C1QTNF3: variants seen among roughly 807,000 people sequenced by gnomAD.
C1QTNF3 encodes complement C1q tumor necrosis factor-related protein 3.
C1QTNF3 carries 26 observed loss-of-function variants against 32.6 expected under a neutral mutation model. That is an observed-to-expected ratio of 0.80 (90% CI 0.58 to 1.11). C1QTNF3 has a LOEUF of 1.11. C1QTNF3 is among the 50% of genes least tolerant of loss of function. C1QTNF3 has a pLI of 0.00. For synonymous variants in C1QTNF3, 155 were observed against 146.0 expected, an observed-to-expected ratio of 1.06 and a Z score of -0.44; for missense variants, 362 against 398.2, an observed-to-expected ratio of 0.91 and a Z score of 0.77.
chr5:34,087,080 A>G, the C1QTNF3 span, among the ~76,000 whole-genome samples: 2 of 147,776 alleles, frequency 1.4e-5, no homozygotes, highest in African/African-American at 2.5e-5. Context: ...CAAGGGCAGG[A>G]GATAAACAGT....
At chr5:34,133,260 T>C in the C1QTNF3 span, among the ~76,000 whole-genome samples, 1 of 152,272 alleles carries the variant, frequency 6.6e-6, no homozygotes, top group East Asian at 1.9e-4. Context: ...CTGTGGGTAA[T>C]TGTTAGAAAG....
chr5:34,127,353 T>C, the C1QTNF3 span, among the ~76,000 whole-genome samples: 1 of 152,026 alleles, frequency 6.6e-6, no homozygotes, highest in Non-Finnish European at 1.5e-5. Context: ...TCGATAGTGA[T>C]ATGGACAATA....
At chr5:34,086,113 A>G in the C1QTNF3 span, among the ~76,000 whole-genome samples, 2 of 150,746 alleles carry the variant, frequency 1.3e-5, no homozygotes, top group South Asian at 4.2e-4. Context: ...GCAGCCATAA[A>G]AAAGATTGAG....
chr5:34,241,988 G>T, the C1QTNF3 span, among the ~76,000 whole-genome samples: 1 of 149,204 alleles, frequency 6.7e-6, no homozygotes. Context: ...AAGGAAGGAA[G>T]GAAGGAAGGA....
At chr5:34,044,323 C>G (rs1322165819), upstream of C1QTNF3, among the ~76,000 whole-genome samples, 1 of 152,138 alleles carries the variant, frequency 6.6e-6, no homozygotes, top group Non-Finnish European at 1.5e-5. Context: ...CTCATTCACT[C>G]GCTTAAGAAA....
chr5:34,205,861 T>C, the C1QTNF3 span, among the ~76,000 whole-genome samples: 1 of 148,284 alleles, frequency 6.7e-6, no homozygotes, highest in Admixed American at 6.8e-5. Flanking sequence ...CACTTAAATA[T>C]TGATTTCATA....
chr5:34,169,123 T>G, the C1QTNF3 span: 1 of 152,194 alleles, frequency 6.6e-6, no homozygotes, highest in African/African-American at 2.4e-5. Flanking sequence ...GAACTACAGG[T>G]GACTTCATCT....
At chr5:34,059,549 C>T in the C1QTNF3 span, among the ~76,000 whole-genome samples, 1 of 152,142 alleles carries the variant, frequency 6.6e-6, no homozygotes, top group Non-Finnish European at 1.5e-5. Context: ...TGTGCCTTCA[C>T]ATGGCAATAG....
the C1QTNF3 span, among the ~76,000 whole-genome samples, chr5:34,117,170 T>G: frequency 9.8e-5 from 15 of 152,286 alleles, no homozygotes; most frequent in South Asian, 2.1e-3. Context: ...ATATCCTTCA[T>G]GTGTCTTTGC....
At chr5:34,213,810 T>TATA in the C1QTNF3 span, among the ~76,000 whole-genome samples, 328 of 13,658 alleles carry the variant, frequency 0.024, 17 homozygotes, top group Middle Eastern at 0.062. Flanking sequence ...TATATATATA[T>TATA]TTTTTTTTTT....
chr5:34,123,069 G>A, the C1QTNF3 span, among the ~76,000 whole-genome samples: 5 of 151,926 alleles, frequency 3.3e-5, no homozygotes, highest in Non-Finnish European at 7.4e-5. Flanking sequence ...ACCCAGGAAA[G>A]CAGAGGGGAT....
chr5:34,114,110 A>G, the C1QTNF3 span, among the ~76,000 whole-genome samples: 2 of 152,330 alleles, frequency 1.3e-5, no homozygotes, highest in East Asian at 1.9e-4. Flanking sequence ...GCATTTCTCA[A>G]TCATCTTTAA....
chr5:34,020,515 T>C lies in C1QTNF3; in HGVS notation c.*68A>G. ...AATGTAAAACCCTCAACTTTAATGT[T>C]CCTCAGATCGTAACAAATCAGCTCA... is the stretch of plus-strand genomic sequence containing the variant. On this transcript the variant is annotated 3_prime_UTR_variant, in exon 6 of 6. Coordinates refer to ENST00000382065, the MANE Select transcript of C1QTNF3 (RefSeq NM_181435.6). 6.5e-7 allele frequency: 1 copy of C among 1,544,576 alleles called. No homozygotes were observed. Among genetic ancestry groups the C allele is most frequent in the African/African-American group, 1.4e-5 (1 of 72,964 alleles).
At chr5:34,033,224 C>T (rs539957874) in intron 3 of C1QTNF3, 80 bp downstream of exon 3, 37 of 1,476,662 alleles carry the variant, frequency 2.5e-5, no homozygotes, top group African/African-American at 2.3e-4. Flanking sequence ...CTTGAGGAAG[C>T]GCTCGAACAT....
the C1QTNF3 span, among the ~76,000 whole-genome samples, chr5:34,097,299 A>G: frequency 1.3e-5 from 2 of 151,970 alleles, no homozygotes; most frequent in Non-Finnish European, 1.5e-5. Context: ...CTTCATCATC[A>G]TCATTGTATC....
the C1QTNF3 span, among the ~76,000 whole-genome samples, chr5:34,060,894 C>G: frequency 5.9e-5 from 9 of 152,086 alleles, no homozygotes; most frequent in Non-Finnish European, 4.4e-5. Flanking sequence ...ATTTCAAAAC[C>G]AATCATGCCT....
At chr5:34,129,454 A>C in the C1QTNF3 span, among the ~76,000 whole-genome samples, 3 of 152,198 alleles carry the variant, frequency 2.0e-5, no homozygotes, top group Non-Finnish European at 4.4e-5. Context: ...GATATTGTTG[A>C]AAGAGTGCAA....
the C1QTNF3 span, among the ~76,000 whole-genome samples, chr5:34,161,501 A>T: frequency 7.2e-5 from 11 of 152,180 alleles, no homozygotes; most frequent in African/African-American, 2.7e-4. Context: ...CTCAAACTCC[A>T]GTGAAATTAA....
the C1QTNF3 span, among the ~76,000 whole-genome samples, chr5:34,073,384 A>G: frequency 2.4e-4 from 36 of 152,340 alleles, no homozygotes; most frequent in South Asian, 6.8e-3. Context: ...CATATTTTCA[A>G]TTGTCCATGA....
Sources: allele counts gnomAD v4.1 joint callset (sites outside exome capture counted in the v4.1 genomes callset), GRCh38; gene constraint gnomAD v4.1.1; transcripts MANE v1.5; gene names NCBI Gene and HGNC (gene_info 2026-07-23, HGNC 2026-07-21).